Variants in RALYL observed in about 807,000 individuals in gnomAD.
The protein encoded by RALYL is RNA-binding Raly-like protein.
RALYL carries 29 observed loss-of-function variants against 35.1 expected under a neutral mutation model. That is an observed-to-expected ratio of 0.83 (90% confidence interval 0.61 to 1.13). RALYL has a LOEUF of 1.13. Among genes scored for constraint, RALYL ranks in the 50% most tolerant of loss-of-function variants. RALYL has a pLI of 0.00. For missense variants in RALYL, 359 were observed against 360.4 expected (o/e 1.00, Z 0.03); for synonymous variants, 120 against 127.6 (o/e 0.94, Z 0.40).
At chr8:84,491,848 G>C (rs906115466) in intron 1 of RALYL, among the ~76,000 whole-genome samples, 1 of 151,850 alleles carries the variant, frequency 6.6e-6, no homozygotes, top group African/African-American at 2.4e-5. Flanking sequence ...TTGTCCTAGA[G>C]CACTTGTAGG....
rs527314721 is a variant in RALYL, at chr8:84,485,583, CAAACA to C, written c.-23-43702_-23-43698del. On this transcript the variant is annotated intron_variant, in intron 1 of 8. Transcript: ENST00000521268. The stretch of plus-strand genomic sequence containing the variant: ...ACATCAGAACGAGACTGCCTCAAAA[CAAACA>C]AAACAAAACAAAAACTACTAGTATC... Among the ~76,000 whole-genome samples the C allele has an allele frequency of 1.5e-3, 233 of 152,064 alleles. 1 individual carries two copies. The highest frequency in any genetic ancestry group is 6.0e-3 in the South Asian group (29 of 4,814).
At chr8:84,207,270 A>C (rs746905988) in intron 1 of RALYL, among the ~76,000 whole-genome samples, 1 of 152,104 alleles carries the variant, frequency 6.6e-6, no homozygotes, top group African/African-American at 2.4e-5. Flanking sequence ...CTAAGTGTCC[A>C]TCAATGGATG....
chr8:84,739,882 A>G (rs1847970026), intron 2 of RALYL, among the ~76,000 whole-genome samples: 1 of 152,016 alleles, frequency 6.6e-6, no homozygotes, highest in Non-Finnish European at 1.5e-5. Flanking sequence ...TAATATACAT[A>G]AGAATTGGAG....
chr8:84,732,683 T>TATATATATATATATATAC, intron 2 of RALYL, among the ~76,000 whole-genome samples: 3 of 133,234 alleles, frequency 2.3e-5, no homozygotes, highest in African/African-American at 9.1e-5. Flanking sequence ...TATATATATA[T>TATATATATATATATATAC]ACACACACAC....
chr8:84,321,835 T>G (rs939172273), intron 1 of RALYL, among the ~76,000 whole-genome samples: 1 of 152,062 alleles, frequency 6.6e-6, no homozygotes, highest in Non-Finnish European at 1.5e-5. Flanking sequence ...AAAGAAATGG[T>G]GACAAATATG....
intron 1 of RALYL, among the ~76,000 whole-genome samples, chr8:84,212,667 A>G (rs567322509): frequency 2.0e-5 from 3 of 152,296 alleles, no homozygotes; most frequent in African/African-American, 7.2e-5. Context: ...GGTAAAGCAA[A>G]TGTGAGCAAT....
At chr8:84,737,933 C>G in intron 2 of RALYL, among the ~76,000 whole-genome samples, 1 of 151,964 alleles carries the variant, frequency 6.6e-6, no homozygotes, top group East Asian at 1.9e-4. Flanking sequence ...AAATAAATTT[C>G]TGTTGTTTAT....
At chr8:84,794,984 C>T (rs1283588826) in intron 3 of RALYL, among the ~76,000 whole-genome samples, 1 of 152,222 alleles carries the variant, frequency 6.6e-6, no homozygotes, top group Admixed American at 6.5e-5. Flanking sequence ...CATCCATTAA[C>T]CTGTCCCTGG....
intron 2 of RALYL, among the ~76,000 whole-genome samples, chr8:84,615,736 C>A (rs1248556482): frequency 1.0e-5 from 1 of 99,550 alleles, no homozygotes; most frequent in African/African-American, 4.1e-5. Flanking sequence ...CCAATGCTGT[C>A]CCTCCCCCCT....
intron 2 of RALYL, among the ~76,000 whole-genome samples, chr8:84,650,408 G>A (rs558215554): frequency 2.2e-4 from 33 of 152,106 alleles, no homozygotes; most frequent in Middle Eastern, 3.4e-3. Flanking sequence ...AAAAGTAGGC[G>A]AAAGACGTGA....
At position 84,569,365 on chromosome 8, in the gene RALYL, C is replaced by T. The variant is rs201839887; in HGVS notation, c.256+39788C>T. ...CAAAGATCAGGTGGTTGTAGATATGCGACATTATTTCTGAGGACCCTGTTC... is the reference window on the plus strand; with the variant it reads ...CAAAGATCAGGTGGTTGTAGATATGTGACATTATTTCTGAGGACCCTGTTC... On this transcript the variant is annotated intron_variant, in intron 2 of 8. Coordinates refer to ENST00000521268, the MANE Select transcript of RALYL (RefSeq NM_173848.7). Among the ~76,000 whole-genome samples the T allele has an allele frequency of 2.0e-4, 30 of 151,898 alleles. No individual in the cohort carries two copies. The East Asian group carries it at 3.9e-3, about 20-fold the overall frequency.
At chr8:84,367,473 G>A (rs1439403905) in intron 1 of RALYL, among the ~76,000 whole-genome samples, 3 of 149,988 alleles carry the variant, frequency 2.0e-5, no homozygotes, top group African/African-American at 7.3e-5. Flanking sequence ...TAACAGGCAT[G>A]AGCCACTAGC....
At chr8:84,514,437 A>G (rs2057895376) in intron 1 of RALYL, among the ~76,000 whole-genome samples, 1 of 152,182 alleles carries the variant, frequency 6.6e-6, no homozygotes, top group African/African-American at 2.4e-5. Context: ...ACAGTTTTAG[A>G]GTCTGGAAAG....
At chr8:84,369,708 A>G (rs1304039091) in intron 1 of RALYL, among the ~76,000 whole-genome samples, 1 of 152,182 alleles carries the variant, frequency 6.6e-6, no homozygotes, top group African/African-American at 2.4e-5. Flanking sequence ...AATAAGGAAA[A>G]TAAATGATAC....
intron 2 of RALYL, among the ~76,000 whole-genome samples, chr8:84,635,047 T>C (rs1403950146): frequency 6.6e-6 from 1 of 151,740 alleles, no homozygotes; most frequent in African/African-American, 2.4e-5. Flanking sequence ...AAGATAGTAA[T>C]CATTCTTTAT....
intron 1 of RALYL, among the ~76,000 whole-genome samples, chr8:84,385,650 T>G (rs560137946): frequency 1.3e-5 from 2 of 151,906 alleles, no homozygotes; most frequent in Non-Finnish European, 2.9e-5. Context: ...TCCTCAAGAT[T>G]GACTCTCTTT....
intron 1 of RALYL, among the ~76,000 whole-genome samples, chr8:84,371,864 G>T (rs562456098): frequency 6.6e-6 from 1 of 152,182 alleles, no homozygotes; most frequent in Admixed American, 6.6e-5. Flanking sequence ...CAGCACTGAT[G>T]ATTTCAGGAA....
Position 84,679,247 on chromosome 8 carries a change from A to G in RALYL, c.257-95332A>G, listed in dbSNP as rs557480974. ...GTAAGTATTAAATTCATATTCCCAT[A>G]CTTTCTAAGATTGATCCAACAATTA... On this transcript the variant is annotated intron_variant, in intron 2 of 8. Transcript: ENST00000521268. The G allele has an allele frequency of 6.3e-5, 13 of 205,032 alleles. No individual in the cohort carries two copies. In the South Asian group the frequency reaches 1.0e-3, roughly 16 times the overall value. The allele number at this position is 205,032 out of a possible 1,614,324, so 12.7% of individuals were successfully genotyped here.
intron 1 of RALYL, among the ~76,000 whole-genome samples, chr8:84,359,359 C>T (rs997420805): frequency 5.3e-5 from 8 of 151,320 alleles, no homozygotes; most frequent in Admixed American, 2.6e-4. Flanking sequence ...TGTGAAGTGA[C>T]TAGAATGAAG....
Sources: gnomAD v4.1 joint callset for allele counts (sites outside exome capture counted in the v4.1 genomes callset) on GRCh38, gnomAD v4.1.1 for gene constraint, MANE v1.5 for transcripts, NCBI Gene and HGNC (gene_info 2026-07-23, HGNC 2026-07-21) for gene names.